The following RANBP2 variants were observed in gnomAD, a reference collection of about 807,000 sequenced individuals.
RANBP2 encodes E3 SUMO-protein ligase RanBP2.
RANBP2 carries 57 observed loss-of-function variants against 303.6 expected under a neutral mutation model. That is an observed-to-expected ratio of 0.19 (90% CI 0.15 to 0.23). The LOEUF is 0.23. Ranked by LOEUF, RANBP2 falls within the 10% of genes least tolerant of loss-of-function variation. RANBP2 has a pLI of 1.00. For missense variants in RANBP2, 3,138 were observed against 3,780.8 expected (o/e 0.83, Z 4.46); for synonymous variants, 1,167 against 1,301.5 (o/e 0.90, Z 2.23).
At chr2:109,122,668 G>A in the RANBP2 span, among the ~76,000 whole-genome samples, 1 of 152,218 alleles carries the variant, frequency 6.6e-6, no homozygotes, top group East Asian at 1.9e-4. Context: ...CCAGGAGTTT[G>A]AAACCAGCCT....
At chr2:108,848,194 A>C in the RANBP2 span, among the ~76,000 whole-genome samples, 1 of 152,248 alleles carries the variant, frequency 6.6e-6, no homozygotes. Context: ...ATATGTCAAC[A>C]TACATTATAT....
the RANBP2 span, among the ~76,000 whole-genome samples, chr2:109,288,964 T>C: frequency 6.6e-6 from 1 of 152,184 alleles, no homozygotes; most frequent in Admixed American, 6.5e-5. Flanking sequence ...CAAATTTATT[T>C]GTGGGCTTAT....
At chr2:109,548,067 C>T in the RANBP2 span, among the ~76,000 whole-genome samples, 23 of 152,012 alleles carry the variant, frequency 1.5e-4, no homozygotes, top group South Asian at 4.6e-3. Context: ...TGTAGAAGAA[C>T]TAGTAATGAG....
At chr2:108,888,401 T>C in the RANBP2 span, among the ~76,000 whole-genome samples, 1 of 152,110 alleles carries the variant, frequency 6.6e-6, no homozygotes, top group African/African-American at 2.4e-5. Flanking sequence ...TTAAGGAGAA[T>C]TCTCTTCTCT....
the RANBP2 span, among the ~76,000 whole-genome samples, chr2:109,386,898 C>T: frequency 4.6e-5 from 7 of 152,146 alleles, no homozygotes; most frequent in African/African-American, 1.4e-4. Flanking sequence ...CTGTCACTGC[C>T]GCAGCTCAGG....
chr2:108,782,898 T>C, intron 28 of RANBP2, 36 bp downstream of exon 28: 1 of 1,537,604 alleles, frequency 6.5e-7, no homozygotes, highest in South Asian at 1.1e-5. Context: ...AATTGAGGTC[T>C]TGAAGAGTGC....
chr2:109,220,078 T>C, the RANBP2 span, among the ~76,000 whole-genome samples: 3 of 152,196 alleles, frequency 2.0e-5, no homozygotes, highest in South Asian at 2.1e-4. Context: ...GGGATAGATA[T>C]ATAAACCAAT....
At chr2:109,425,157 C>A in the RANBP2 span, among the ~76,000 whole-genome samples, 52 of 152,304 alleles carry the variant, frequency 3.4e-4, 1 homozygote, top group African/African-American at 1.2e-3. Flanking sequence ...CAAAGCAAGG[C>A]CCTAACTCTC....
At chr2:109,441,253 A>G in the RANBP2 span, among the ~76,000 whole-genome samples, 13 of 152,332 alleles carry the variant, frequency 8.5e-5, no homozygotes, top group East Asian at 5.8e-4. Flanking sequence ...GGATCAGTCA[A>G]TCAATCAAAA....
At chr2:109,548,191 AC>A in the RANBP2 span, among the ~76,000 whole-genome samples, 3 of 148,658 alleles carry the variant, frequency 2.0e-5, no homozygotes, top group Non-Finnish European at 4.5e-5. Flanking sequence ...AAAAAAAAAA[AC>A]TAGGGTCTTA....
At chr2:109,012,518 T>C in the RANBP2 span, among the ~76,000 whole-genome samples, 51,846 of 152,096 alleles carry the variant, frequency 0.34, 11,224 homozygotes, top group Non-Finnish European at 0.49. Context: ...GCTTCTTCAG[T>C]GGCCCCTCCG....
the RANBP2 span, among the ~76,000 whole-genome samples, chr2:109,308,999 G>A: frequency 1.1e-4 from 9 of 80,488 alleles, no homozygotes; most frequent in African/African-American, 4.6e-4. Flanking sequence ...CATTGAATCT[G>A]TAAATTACCT....
the RANBP2 span, among the ~76,000 whole-genome samples, chr2:109,497,212 G>A: frequency 6.6e-6 from 1 of 152,192 alleles, no homozygotes; most frequent in Non-Finnish European, 1.5e-5. Flanking sequence ...AGTGTCCAGG[G>A]TATAGAAGTA....
At chr2:109,140,505 C>T in the RANBP2 span, among the ~76,000 whole-genome samples, 5 of 152,134 alleles carry the variant, frequency 3.3e-5, no homozygotes, top group South Asian at 4.1e-4. Flanking sequence ...CTCAGCCTCC[C>T]GAGTAGCTGG....
At chr2:109,091,422 G>T in the RANBP2 span, among the ~76,000 whole-genome samples, 1 of 151,906 alleles carries the variant, frequency 6.6e-6, no homozygotes, top group Non-Finnish European at 1.5e-5. Flanking sequence ...TTTTTCTTTT[G>T]TAGTTAGTTT....
At chr2:109,220,338 G>A in the RANBP2 span, among the ~76,000 whole-genome samples, 2 of 152,124 alleles carry the variant, frequency 1.3e-5, no homozygotes, top group Non-Finnish European at 2.9e-5. Flanking sequence ...GAATACACAG[G>A]TAAAAACCTT....
chr2:109,159,661 C>T, the RANBP2 span, among the ~76,000 whole-genome samples: 2 of 152,258 alleles, frequency 1.3e-5, no homozygotes, highest in East Asian at 3.9e-4. Flanking sequence ...AGGTGAGTGG[C>T]GGGAGAGCGA....
chr2:109,359,132 A>G, the RANBP2 span, among the ~76,000 whole-genome samples: 5 of 152,088 alleles, frequency 3.3e-5, no homozygotes, highest in African/African-American at 1.2e-4. Flanking sequence ...CATTCCATTG[A>G]TCTAGTTGTC....
At chr2:109,475,621 C>T in the RANBP2 span, among the ~76,000 whole-genome samples, 1 of 152,250 alleles carries the variant, frequency 6.6e-6, no homozygotes, top group Admixed American at 6.5e-5. Context: ...GCCAGATAAT[C>T]CTCTGTTTTG....
Sources: allele counts gnomAD v4.1 joint callset (sites outside exome capture counted in the v4.1 genomes callset), GRCh38; gene constraint gnomAD v4.1.1; transcripts MANE v1.5; gene names NCBI Gene and HGNC (gene_info 2026-07-23, HGNC 2026-07-21).